Variants in KCTD9 observed in about 807,000 individuals in gnomAD.
The protein encoded by KCTD9 is potassium channel tetramerization domain containing 9.
A neutral mutation model predicts 53.3 loss-of-function variants in KCTD9; 17 were observed. The observed-to-expected ratio is 0.32, with a 90% confidence interval of 0.22 to 0.48. The LOEUF (loss-of-function observed/expected upper bound fraction) is 0.48, where lower values mean the gene tolerates loss of function less well. Ranked by LOEUF, KCTD9 falls within the 20% of genes least tolerant of loss-of-function variation. KCTD9 has a pLI of 0.99. For synonymous variants in KCTD9, 128 were observed against 162.7 expected (o/e 0.79, Z 1.62); for missense variants, 179 against 465.5 (o/e 0.38, Z 5.66).
At chr8:25,449,248 G>A (rs549103271) in intron 1 of KCTD9, among the ~76,000 whole-genome samples, 1 of 152,320 alleles carries the variant, frequency 6.6e-6, no homozygotes, top group South Asian at 2.1e-4. Flanking sequence ...CCAATTCAAT[G>A]TTCTTGGCAT....
Position 25,458,389 on chromosome 8 carries a change from C to G in KCTD9, c.-143G>C. Reference sequence around the variant, plus strand: ...CACCTTCCTGCCCTTGGGGACACACCACACGCACGCACTCTGTCCCACACC... The same window carrying G: ...CACCTTCCTGCCCTTGGGGACACACGACACGCACGCACTCTGTCCCACACC... On this transcript the variant is annotated 5_prime_UTR_variant, in exon 1 of 12. Transcript: ENST00000221200. 1 of 863,290 alleles carries G rather than the reference C, an allele frequency of 1.2e-6. No homozygotes were observed. Among genetic ancestry groups the G allele is most frequent in the Non-Finnish European group, 1.9e-6 (1 of 534,342 alleles). 53.5% of individuals were successfully genotyped at this position (863,290 alleles called of 1,614,324 possible).
intron 2 of KCTD9, among the ~76,000 whole-genome samples, chr8:25,445,883 A>G (rs541566430): frequency 6.6e-6 from 1 of 151,950 alleles, no homozygotes; most frequent in East Asian, 1.9e-4. Flanking sequence ...CACAAAGAAG[A>G]AATTCCTCAT....
Position 25,429,881 on chromosome 8 carries a change from T to C in KCTD9, c.1146A>G (p.Leu382=), listed in dbSNP as rs1812594. 0.2 allele frequency: 315,063 copies of C among 1,579,304 alleles called. 33,022 individuals are homozygous for C. Among genetic ancestry groups the C allele is most frequent in the Middle Eastern group, 0.22 (1,291 of 5,764 alleles). The stretch of plus-strand genomic sequence containing the variant: ...CTCATCTGACACTTTGTGACATGTG[T>C]AGTGGTGTCAGCATCTCTTCAAATA... ...GAIFEEMLTP[L]HMSQSVR Residue 382 remains leucine (L), a synonymous_variant, in exon 12 of 12, where the codon CTA becomes CTG. Transcript: ENST00000221200.
At chr8:25,431,305 C>T (rs1431257089) in intron 11 of KCTD9, among the ~76,000 whole-genome samples, 2 of 151,938 alleles carry the variant, frequency 1.3e-5, no homozygotes, top group African/African-American at 4.8e-5. Context: ...AGGAACTGCC[C>T]TTCTTTTTAA....
intron 1 of KCTD9, chr8:25,450,440 A>T: frequency 1.0e-6 from 1 of 984,394 alleles, no homozygotes; most frequent in South Asian, 4.7e-5. Context: ...AGTAGGACAC[A>T]CCTTTTTTGT....
At chr8:25,442,382 T>G (rs894146225) in intron 3 of KCTD9, among the ~76,000 whole-genome samples, 18 of 152,208 alleles carry the variant, frequency 1.2e-4, no homozygotes, top group Non-Finnish European at 2.2e-4. Flanking sequence ...CAGTAACATA[T>G]TTAAGATATT....
intron 11 of KCTD9, 125 bp from the exon 12 acceptor site, chr8:25,430,098 C>A: frequency 1.5e-6 from 1 of 668,378 alleles, no homozygotes. Flanking sequence ...CAGTTAATTT[C>A]CGGAAAACTG....
At chr8:25,458,028 G>A (rs1399229662) in intron 1 of KCTD9, among the ~76,000 whole-genome samples, 171 bp downstream of exon 1, 1 of 151,820 alleles carries the variant, frequency 6.6e-6, no homozygotes, top group Non-Finnish European at 1.5e-5. Flanking sequence ...GGGGTCCTGA[G>A]GGTCGGGAGG....
chr8:25,439,437 C>T (rs1802076908), intron 5 of KCTD9, 30 bp from the exon 6 acceptor site: 1 of 1,578,072 alleles, frequency 6.3e-7, no homozygotes, highest in Non-Finnish European at 8.6e-7. Flanking sequence ...AAGAAAGTCC[C>T]CCATAAACAA....
At chr8:25,435,910 T>C (rs902844704) in intron 8 of KCTD9, among the ~76,000 whole-genome samples, 1 of 152,222 alleles carries the variant, frequency 6.6e-6, no homozygotes, top group Non-Finnish European at 1.5e-5. Flanking sequence ...TGAAATGCTA[T>C]AGTACACATA....
chr8:25,433,583 T>C (rs892050467), intron 9 of KCTD9, 148 bp from the exon 10 acceptor site: 1 of 436,356 alleles, frequency 2.3e-6, no homozygotes, highest in Non-Finnish European at 4.1e-6. Flanking sequence ...CAATAAAGGC[T>C]TTTCTAATTA....
chr8:25,446,285 TTAATAC>T (rs777043287), intron 1 of KCTD9, 35 bp from the exon 2 acceptor site: 2 of 1,607,082 alleles, frequency 1.2e-6, no homozygotes, highest in South Asian at 2.2e-5. Flanking sequence ...AACAATTTCT[TTAATAC>T]ATGTTATCCC....
intron 1 of KCTD9, among the ~76,000 whole-genome samples, chr8:25,452,490 T>C (rs569271404): frequency 9.4e-4 from 143 of 152,228 alleles, no homozygotes; most frequent in Non-Finnish European, 1.5e-3. Flanking sequence ...ACCTGCAGCA[T>C]CTGAACCACA....
In KCTD9 at chr8:25,428,133, G is replaced by A. The variant is rs1388687434; in HGVS notation, c.*1724C>T. The stretch of plus-strand genomic sequence containing the variant: ...CTTTCAGATCCTTCTGCAGTTTTAG[G>A]TTATTTCTACAGAGGTACCTTTAAG... On this transcript the variant is annotated 3_prime_UTR_variant, in exon 12 of 12. Transcript: ENST00000221200. The A allele has an allele frequency of 5.2e-5, 8 of 152,538 alleles. No individual in the cohort carries two copies. In the East Asian group the frequency reaches 1.5e-3, roughly 29 times the overall value. The allele number at this position is 152,538 out of a possible 1,614,324, so 9.4% of individuals were successfully genotyped here. A position where few individuals can be genotyped will look rare whatever the true frequency, so the allele number is the denominator to read the frequency against.
chr8:25,454,860 T>A (rs2117449099), intron 1 of KCTD9, among the ~76,000 whole-genome samples: 1 of 152,344 alleles, frequency 6.6e-6, no homozygotes, highest in South Asian at 2.1e-4. Flanking sequence ...GACTATGAAT[T>A]AGCCACTAAG....
intron 1 of KCTD9, among the ~76,000 whole-genome samples, chr8:25,446,580 C>A (rs1015028273): frequency 2.0e-5 from 3 of 152,216 alleles, no homozygotes; most frequent in African/African-American, 7.2e-5. Context: ...CTTGAGTCAA[C>A]CTACTGATGC....
intron 1 of KCTD9, among the ~76,000 whole-genome samples, chr8:25,447,213 G>A (rs1237423633): frequency 6.6e-6 from 1 of 152,046 alleles, no homozygotes; most frequent in African/African-American, 2.4e-5. Context: ...GACCAACATG[G>A]AGAAACCCCA....
intron 6 of KCTD9, among the ~76,000 whole-genome samples, chr8:25,437,108 C>A (rs1024098644): frequency 6.6e-6 from 1 of 152,162 alleles, no homozygotes; most frequent in South Asian, 2.1e-4. Flanking sequence ...GGTCAACAAT[C>A]CAATTGTAAA....
intron 6 of KCTD9, among the ~76,000 whole-genome samples, chr8:25,437,070 A>T (rs537430987): frequency 6.6e-6 from 1 of 152,222 alleles, no homozygotes; most frequent in Admixed American, 6.5e-5. Context: ...AGAATAATAC[A>T]ATCTTTTCTG....
Sources: gnomAD v4.1 joint callset for allele counts (sites outside exome capture counted in the v4.1 genomes callset) on GRCh38, gnomAD v4.1.1 for gene constraint, MANE v1.5 for transcripts, NCBI Gene and HGNC (gene_info 2026-07-23, HGNC 2026-07-21) for gene names.